Variants in NELL1 observed in about 807,000 individuals in gnomAD.
NELL1 encodes protein kinase C-binding protein NELL1.
A neutral mutation model predicts 107.4 loss-of-function variants in NELL1; 76 were observed. That is an observed-to-expected ratio of 0.71 (90% CI 0.59 to 0.86). The LOEUF (loss-of-function observed/expected upper bound fraction) is 0.86, where lower values mean the gene tolerates loss of function less well. Among genes scored for constraint, NELL1 ranks in the 40% least tolerant of loss-of-function variants. The probability of loss-of-function intolerance (pLI) is 0.00; values close to 1 mark genes in which losing one functional copy is unlikely to be tolerated. For synonymous variants in NELL1, 353 were observed against 341.2 expected, an observed-to-expected ratio of 1.03 and a Z score of -0.38; for missense variants, 1,024 against 1,005.5, an observed-to-expected ratio of 1.02 and a Z score of -0.25.
intron 2 of NELL1, among the ~76,000 whole-genome samples, chr11:20,719,578 G>C (rs939239882): frequency 9.9e-5 from 15 of 152,120 alleles, no homozygotes; most frequent in Non-Finnish European, 1.8e-4. Context: ...TAGCTCCCTG[G>C]AAACAGATCT....
rs1229015973 is a variant in NELL1, at chr11:21,381,639, C to G, written c.1645+10691C>G. 5.9e-5 allele frequency among the ~76,000 whole-genome samples: 9 copies of G among 151,962 alleles called. No individual in the cohort carries two copies. In the South Asian group the frequency reaches 8.3e-4, roughly 14 times the overall value. ...CAGCAGGTAAACAGTAAAGCCATGT[C>G]TTATATTTATCTTTTGCTACTGAAG... On this transcript the variant is annotated intron_variant, in intron 15 of 19. Coordinates refer to ENST00000357134, the MANE Select transcript of NELL1 (RefSeq NM_006157.5).
intron 10 of NELL1, 43 bp downstream of exon 10, chr11:20,937,902 A>G: frequency 6.4e-7 from 1 of 1,572,180 alleles, no homozygotes; most frequent in Non-Finnish European, 8.8e-7. Context: ...TGGAAAATGA[A>G]TAGATAGATG....
At chr11:21,057,438 A>G (rs1048586457) in intron 12 of NELL1, among the ~76,000 whole-genome samples, 6 of 152,006 alleles carry the variant, frequency 3.9e-5, no homozygotes, top group African/African-American at 1.4e-4. Flanking sequence ...CCTCTGAGCC[A>G]GCAATTTTAC....
At chr11:21,379,099 A>G (rs1336993710) in intron 15 of NELL1, among the ~76,000 whole-genome samples, 3 of 152,054 alleles carry the variant, frequency 2.0e-5, no homozygotes, top group Admixed American at 2.0e-4. Flanking sequence ...GCTGTAAATC[A>G]AGTTATTTAT....
intron 14 of NELL1, among the ~76,000 whole-genome samples, chr11:21,317,290 A>G (rs536799806): frequency 6.6e-6 from 1 of 151,914 alleles, no homozygotes; most frequent in African/African-American, 2.4e-5. Flanking sequence ...GACTGTTTCT[A>G]GGGTTTATTT....
At chr11:20,771,202 C>G (rs1473703544) in intron 2 of NELL1, among the ~76,000 whole-genome samples, 2 of 152,138 alleles carry the variant, frequency 1.3e-5, no homozygotes, top group Non-Finnish European at 2.9e-5. Flanking sequence ...TTCTCACTCT[C>G]CACTCCTTTC....
At chr11:21,217,339 T>C (rs1245733473) in intron 13 of NELL1, among the ~76,000 whole-genome samples, 1 of 151,988 alleles carries the variant, frequency 6.6e-6, no homozygotes, top group African/African-American at 2.4e-5. Flanking sequence ...AAAGGGTACA[T>C]TGGGGGAAGC....
chr11:21,170,493 C>CA (rs1252140415), intron 13 of NELL1, among the ~76,000 whole-genome samples: 1 of 151,688 alleles, frequency 6.6e-6, no homozygotes, highest in Non-Finnish European at 1.5e-5. Flanking sequence ...ATTTTTCCTC[C>CA]AAAAAAATTT....
chr11:21,002,392 A>C (rs1394701151), intron 12 of NELL1, among the ~76,000 whole-genome samples: 3 of 131,760 alleles, frequency 2.3e-5, no homozygotes. Context: ...TAGCAGGGAA[A>C]TGCTGTTAGT....
chr11:21,555,107 C>CTT (rs1856675080), intron 16 of NELL1, among the ~76,000 whole-genome samples: 1 of 151,972 alleles, frequency 6.6e-6, no homozygotes, highest in Admixed American at 6.6e-5. Flanking sequence ...ATCTCCAGCA[C>CTT]TTAGCAGTGT....
At chr11:20,825,911 C>A (rs985481817) in intron 3 of NELL1, among the ~76,000 whole-genome samples, 2 of 151,132 alleles carry the variant, frequency 1.3e-5, no homozygotes, top group African/African-American at 4.8e-5. Context: ...TTGTAATTCC[C>A]ATGTGTTTGG....
chr11:21,326,081 TG>T (rs1283552975), intron 14 of NELL1, among the ~76,000 whole-genome samples: 878 of 44,302 alleles, frequency 0.02, 173 homozygotes, highest in Admixed American at 0.026. Flanking sequence ...TTTTTTTTTT[TG>T]GGCTATTTTG....
chr11:21,313,292 T>C (rs1395252316), intron 14 of NELL1, among the ~76,000 whole-genome samples: 1 of 152,148 alleles, frequency 6.6e-6, no homozygotes, highest in Non-Finnish European at 1.5e-5. Context: ...TCTTTAACTT[T>C]TTTGGCTTTG....
At chr11:20,938,940 C>CTCTCTCTCTGTG (rs1216133538) in intron 10 of NELL1, among the ~76,000 whole-genome samples, 1 of 57,298 alleles carries the variant, frequency 1.7e-5, no homozygotes, top group African/African-American at 4.4e-5. Context: ...CTCTCTCTCT[C>CTCTCTCTCTGTG]TGTGTGTGTG....
At chr11:21,021,447 G>A (rs912730929) in intron 12 of NELL1, among the ~76,000 whole-genome samples, 2 of 152,080 alleles carry the variant, frequency 1.3e-5, no homozygotes, top group African/African-American at 4.8e-5. Flanking sequence ...CCAAATAGTT[G>A]CTTTATTTTA....
chr11:21,544,210 A>C (rs1856371076), intron 16 of NELL1, among the ~76,000 whole-genome samples: 1 of 152,006 alleles, frequency 6.6e-6, no homozygotes, highest in Non-Finnish European at 1.5e-5. Flanking sequence ...AAAAACCTTC[A>C]CAAGTATTGG....
intron 5 of NELL1, among the ~76,000 whole-genome samples, chr11:20,888,214 T>C (rs1191083801): frequency 6.6e-6 from 1 of 151,996 alleles, no homozygotes; most frequent in Non-Finnish European, 1.5e-5. Flanking sequence ...GTTAAAATAA[T>C]TAAACTAATA....
intron 11 of NELL1, 98 bp from the exon 12 acceptor site, chr11:20,960,333 CT>C: frequency 8.2e-7 from 1 of 1,221,728 alleles, no homozygotes; most frequent in East Asian, 2.5e-5. Flanking sequence ...GTGTATTTTC[CT>C]GCATAGTGAC....
At chr11:20,794,650 A>C (rs1490995477) in intron 3 of NELL1, among the ~76,000 whole-genome samples, 21 of 152,118 alleles carry the variant, frequency 1.4e-4, no homozygotes, top group Admixed American at 1.3e-3. Flanking sequence ...ATACAAAAGA[A>C]ACTCAATAAA....
Sources: gnomAD v4.1 joint callset for allele counts (sites outside exome capture counted in the v4.1 genomes callset) on GRCh38, gnomAD v4.1.1 for gene constraint, MANE v1.5 for transcripts, NCBI Gene and HGNC (gene_info 2026-07-23, HGNC 2026-07-21) for gene names.